YKT6: variants seen among roughly 807,000 people sequenced by gnomAD.
The protein encoded by YKT6 is YKT6 vesicular SNARE protein, also known as synaptobrevin homolog YKT6.
In YKT6, 12 loss-of-function variants were observed where a neutral mutation model predicts 29.3. The ratio of observed to expected loss-of-function variants is 0.41; its 90% CI spans 0.26 to 0.66. YKT6 has a LOEUF of 0.66. YKT6 is among the 30% of genes least tolerant of loss of function. The pLI, the probability that YKT6 is intolerant of heterozygous loss-of-function variation, is 0.32. For missense variants in YKT6, 188 were observed against 243.8 expected (o/e 0.77, Z 1.52); for synonymous variants, 86 against 94.3 (o/e 0.91, Z 0.51).
chr7:44,201,278 G>A (rs771769676), intron 1 of YKT6, 39 bp downstream of exon 1: 4 of 1,533,234 alleles, frequency 2.6e-6, no homozygotes, highest in South Asian at 1.1e-5. Flanking sequence ...CGGTCGGGCG[G>A]AGAGGACTGG....
chr7:44,201,113 G>C lies in YKT6; in HGVS notation c.-23G>C, dbSNP rs747471189. ...GAACGGGTCCCGCAGCTGGGCAGGC[G>C]GGCGGCCTGAGGGCGCGGAGCCATG... is the stretch of plus-strand genomic sequence containing the variant. On this transcript the variant is annotated 5_prime_UTR_variant, in exon 1 of 7. Transcript: ENST00000223369. The C allele has an allele frequency of 5.5e-5, 86 of 1,557,374 alleles. No homozygotes were observed. Among genetic ancestry groups the C allele is most frequent in the Non-Finnish European group, 7.0e-5 (81 of 1,155,078 alleles).
rs1015916033 is a variant in YKT6 at position 44,201,004 on chromosome 7, G to C, written c.-132G>C. Reference sequence around the variant, plus strand: ...GATTGCGAGCCAGGAGGAGGAAGCCGGCGGTGGCCCCGTCAGCAGCCGGCT... The same window carrying C: ...GATTGCGAGCCAGGAGGAGGAAGCCCGCGGTGGCCCCGTCAGCAGCCGGCT... On this transcript the variant is annotated 5_prime_UTR_variant, in exon 1 of 7. Transcript: ENST00000223369. 22 of 655,934 alleles carry C rather than the reference G, an allele frequency of 3.4e-5. No individual in the cohort carries two copies. The African/African-American group carries it at 3.9e-4, about 12-fold the overall frequency. The allele number at this position is 655,934 out of a possible 1,614,324, so 40.6% of individuals were successfully genotyped here. A position where few individuals can be genotyped will look rare whatever the true frequency, so the allele number is the denominator to read the frequency against.
At position 44,213,497 on chromosome 7, in the gene YKT6, A is replaced by T. The variant is rs2096349093; in HGVS notation, c.*1215A>T. 1 of 152,350 alleles carries T rather than the reference A, an allele frequency of 6.6e-6. No individual in the cohort carries two copies. Among genetic ancestry groups the T allele is most frequent in the South Asian group, 2.1e-4 (1 of 4,832 alleles). The allele number at this position is 152,350 out of a possible 1,614,324, so 9.4% of individuals were successfully genotyped here. On this transcript the variant is annotated 3_prime_UTR_variant, in exon 7 of 7. Transcript: ENST00000223369. ...TCATGGCAACAGGCTGGAGCAGCCC[A>T]GGAGATGGGCCTAAAATGTTCTGGA...
Position 44,214,048 on chromosome 7 carries a change from G to C in YKT6, c.*1766G>C, listed in dbSNP as rs1322952492. 1 of 152,572 alleles carries C rather than the reference G, an allele frequency of 6.6e-6. No individual in the cohort carries two copies. The highest frequency in any genetic ancestry group is 1.5e-5 in the Non-Finnish European group (1 of 68,222). 9.5% of individuals were successfully genotyped at this position (152,572 alleles called of 1,614,324 possible). ...AGAGATGGGGGCGGGGAAAATGGAG[G>C]TATGAATTTGGGGTAAGAGGAAGTG... On this transcript the variant is annotated 3_prime_UTR_variant, in exon 7 of 7. Coordinates refer to ENST00000223369, the MANE Select transcript of YKT6 (RefSeq NM_006555.4).
chr7:44,212,384 G>A lies in YKT6; in HGVS notation c.*102G>A. 1 of 1,438,984 alleles carries A rather than the reference G, an allele frequency of 6.9e-7. No homozygotes were observed. The highest frequency in any genetic ancestry group is 1.2e-5 in the South Asian group (1 of 82,804). The allele number at this position is 1,438,984 out of a possible 1,614,324, so 89.1% of individuals were successfully genotyped here. ...CAGCCATAGACGAGGAGCCAGAGTG[G>A]GGGCAGACTGGCCATTTTTATTTTG... On this transcript the variant is annotated 3_prime_UTR_variant, in exon 7 of 7. Coordinates refer to ENST00000223369, the MANE Select transcript of YKT6 (RefSeq NM_006555.4).
chr7:44,212,416 C>A lies in YKT6; in HGVS notation c.*134C>A. ...ACTGGCCATTTTTATTTTGAAGTTCCTGCGAGAAATGGATGGTGGAAGGGT... is the reference window on the plus strand; with the variant it reads ...ACTGGCCATTTTTATTTTGAAGTTCATGCGAGAAATGGATGGTGGAAGGGT... On this transcript the variant is annotated 3_prime_UTR_variant, in exon 7 of 7. Transcript: ENST00000223369. 8.7e-7 allele frequency: 1 copy of A among 1,151,116 alleles called. No homozygotes were observed. The highest frequency in any genetic ancestry group is 1.3e-6 in the Non-Finnish European group (1 of 793,118). The allele number at this position is 1,151,116 out of a possible 1,614,324, so 71.3% of individuals were successfully genotyped here. A position where few individuals can be genotyped will look rare whatever the true frequency, so the allele number is the denominator to read the frequency against.
rs141563755 is a variant in YKT6 at position 44,204,618 on chromosome 7, C to T, written c.155C>T (p.Ser52Leu). The change falls in exon 2 of 7, where the codon TCG becomes TTG. Residue 52 changes from serine to leucine, a missense_variant. Physicochemically the swap from Ser to Leu is moderately radical, Grantham distance 145. Transcript: ENST00000223369. ...FTSQLIVERS[S>L]KGTRASVKEQ... is the part of the protein sequence containing the mutation. ...AGTCAACTGATTGTGGAGCGCTCAT[C>T]GAAAGGCACTAGAGCTTCTGTCAAA... The T allele has an allele frequency of 8.1e-6, 13 of 1,614,074 alleles. No individual in the cohort carries two copies. The highest frequency in any genetic ancestry group is 3.3e-5 in the Admixed American group (2 of 60,004).
At position 44,201,129 on chromosome 7, in the gene YKT6, C is replaced by T. The variant is rs759313179; in HGVS notation, c.-7C>T. Reference sequence around the variant, plus strand: ...TGGGCAGGCGGGCGGCCTGAGGGCGCGGAGCCATGAAGCTGTACAGCCTCA... The same window carrying T: ...TGGGCAGGCGGGCGGCCTGAGGGCGTGGAGCCATGAAGCTGTACAGCCTCA... On this transcript the variant is annotated 5_prime_UTR_variant, in exon 1 of 7. Coordinates refer to ENST00000223369, the MANE Select transcript of YKT6 (RefSeq NM_006555.4). 22 of 1,573,930 alleles carry T rather than the reference C, an allele frequency of 1.4e-5. No individual in the cohort carries two copies. Among genetic ancestry groups the T allele is most frequent in the East Asian group, 2.5e-5 (1 of 39,850 alleles).
rs755355202 is a variant in YKT6, at chr7:44,201,181, G to A, written c.46G>A (p.Val16Met). Residue 16 changes from valine (V) to methionine (M), a missense_variant, in exon 1 of 7, where the codon GTG becomes ATG. Around this residue, in one of 3 missense-constraint regions of YKT6, gnomAD observed 71 missense variants for 67.3 expected, o/e 1.05. Transcript: ENST00000223369. Reference sequence around the variant, plus strand: ...CGTCCTCTACAAAGGCGAGGCCAAGGTGGTGCTGCTCAAAGCCGCATACGA... The same window carrying A: ...CGTCCTCTACAAAGGCGAGGCCAAGATGGTGCTGCTCAAAGCCGCATACGA... ...LSVLYKGEAKVVLLKAAYDVS... is the reference protein window; with the variant it reads ...LSVLYKGEAKMVLLKAAYDVS... 6.2e-7 allele frequency: 1 copy of A among 1,612,936 alleles called. No homozygotes were observed. The highest frequency in any genetic ancestry group is 1.1e-5 in the South Asian group (1 of 90,876).
intron 2 of YKT6, among the ~76,000 whole-genome samples, chr7:44,206,150 G>C (rs559906985): frequency 1.3e-4 from 20 of 152,278 alleles, no homozygotes; most frequent in Non-Finnish European, 2.4e-4. Flanking sequence ...TTAAGCCCTG[G>C]CTTTGCATAC....
chr7:44,202,002 T>C (rs1474428686), intron 1 of YKT6, among the ~76,000 whole-genome samples: 2 of 152,194 alleles, frequency 1.3e-5, no homozygotes, highest in East Asian at 3.9e-4. Context: ...CTTTAATTGC[T>C]GGAACGTGTT....
intron 4 of YKT6, among the ~76,000 whole-genome samples, chr7:44,207,731 G>GT (rs1057325509): frequency 1.9e-4 from 28 of 149,820 alleles, no homozygotes; most frequent in African/African-American, 6.6e-4. Flanking sequence ...TTTTTTTTTT[G>GT]TTTTTTGTTT....
At chr7:44,205,051 T>C (rs1033333927) in intron 2 of YKT6, among the ~76,000 whole-genome samples, 1 of 152,250 alleles carries the variant, frequency 6.6e-6, no homozygotes, top group Non-Finnish European at 1.5e-5. Flanking sequence ...TTCTTTCTGA[T>C]AATTCAGGTT....
chr7:44,211,492 T>C, intron 6 of YKT6: 2 of 988,172 alleles, frequency 2.0e-6, no homozygotes, highest in Non-Finnish European at 2.4e-6. Flanking sequence ...CATAAGTCTT[T>C]AAGATGCAAG....
chr7:44,208,095 C>T lies in YKT6; in HGVS notation c.394-38C>T, dbSNP rs1583648222. On this transcript the variant is annotated intron_variant, in intron 4 of 6. Coordinates refer to ENST00000223369, the MANE Select transcript of YKT6 (RefSeq NM_006555.4). ...TTTAGGTTTTGTTTGCAGGTAGCCA[C>T]TCCAGTCCTGACTTTATTATTTTTC... is the stretch of plus-strand genomic sequence containing the variant. 3 of 1,607,624 alleles carry T rather than the reference C, an allele frequency of 1.9e-6. No homozygotes were observed. The East Asian group carries it at 6.7e-5, about 36-fold the overall frequency.
chr7:44,212,121 C>T, intron 6 of YKT6, 126 bp from the exon 7 acceptor site: 1 of 1,145,244 alleles, frequency 8.7e-7, no homozygotes, highest in Non-Finnish European at 1.3e-6. Context: ...CACCCCCACC[C>T]TGTTCTAGTG....
chr7:44,201,238 A>C lies in YKT6; in HGVS notation c.103A>C (p.Ser35Arg). Residue 35 changes from serine to arginine, a missense_variant and splice_region_variant, in exon 1 of 7, where the codon AGC becomes CGC. Around this residue, in one of 3 missense-constraint regions of YKT6, gnomAD observed 71 missense variants for 67.3 expected, o/e 1.05. Transcript: ENST00000223369. The stretch of plus-strand genomic sequence containing the variant: ...TTCCTTCAGCTTTTTCCAGAGATCC[A>C]GGTGAGCGGCACAGGCTGGTGGGCC... ...VSSFSFFQRS[S>R]VQEFMTFTSQ... 1.2e-6 allele frequency: 2 copies of C among 1,606,318 alleles called. No homozygotes were observed. Among genetic ancestry groups the C allele is most frequent in the Non-Finnish European group, 1.7e-6 (2 of 1,175,600 alleles).
At chr7:44,211,839 C>T (rs1257212811) in intron 6 of YKT6, among the ~76,000 whole-genome samples, 4 of 152,236 alleles carry the variant, frequency 2.6e-5, no homozygotes, top group Non-Finnish European at 4.4e-5. Context: ...GTCCTCAGGA[C>T]CATCTTCTAG....
rs930592842 is a variant in YKT6, at chr7:44,214,069, A to G, written c.*1787A>G. 1 of 152,232 alleles carries G rather than the reference A, an allele frequency of 6.6e-6. No individual in the cohort carries two copies. Among genetic ancestry groups the G allele is most frequent in the African/African-American group, 2.4e-5 (1 of 41,382 alleles). 9.4% of individuals were successfully genotyped at this position (152,232 alleles called of 1,614,324 possible). Reference sequence around the variant, plus strand: ...GGAGGTATGAATTTGGGGTAAGAGGAAGTGAGATCTCCGCTTGCAGGTCAG... The same window carrying G: ...GGAGGTATGAATTTGGGGTAAGAGGGAGTGAGATCTCCGCTTGCAGGTCAG... On this transcript the variant is annotated 3_prime_UTR_variant, in exon 7 of 7. Transcript: ENST00000223369.
Sources: allele counts gnomAD v4.1 joint callset (sites outside exome capture counted in the v4.1 genomes callset), GRCh38; gene constraint gnomAD v4.1.1; regional missense constraint gnomAD v4.1.1; transcripts MANE v1.5; gene names NCBI Gene and HGNC (gene_info 2026-07-23, HGNC 2026-07-21).